The following ALMS1 variants were observed in gnomAD, a reference collection of about 807,000 sequenced individuals.
The protein encoded by ALMS1 is ALMS1 centrosome and basal body associated protein.
ALMS1 carries 271 observed loss-of-function variants against 352.2 expected under a neutral mutation model. The ratio of observed to expected loss-of-function variants is 0.77; its 90% CI spans 0.70 to 0.85. ALMS1 has a LOEUF of 0.85. Ranked by LOEUF, ALMS1 falls within the 40% of genes least tolerant of loss-of-function variation. The pLI is 0.00. For synonymous variants in ALMS1, 1,865 were observed against 1,761.2 expected (o/e 1.06, Z -1.48); for missense variants, 5,445 against 4,870.7 (o/e 1.12, Z -3.51).
chr2:73,456,742 CAA>C (rs1187922813), intron 9 of ALMS1: 1 of 152,030 alleles, frequency 6.6e-6, no homozygotes, highest in East Asian at 1.9e-4. Flanking sequence ...ACAAAATTGA[CAA>C]AATAATAAGA....
intron 21 of ALMS1, among the ~76,000 whole-genome samples, chr2:73,607,898 G>A (rs866473319): frequency 1.3e-5 from 2 of 149,436 alleles, no homozygotes; most frequent in East Asian, 2.0e-4. Context: ...TCCTGACCTC[G>A]TGATCCACCC....
chr2:73,578,808 G>A (rs1675108551), intron 16 of ALMS1, among the ~76,000 whole-genome samples: 1 of 151,906 alleles, frequency 6.6e-6, no homozygotes, highest in Admixed American at 6.6e-5. Context: ...ATCAGATAAG[G>A]GAAAAGGGAA....
chr2:73,596,891 T>C (rs1002054251), intron 16 of ALMS1, among the ~76,000 whole-genome samples: 6 of 148,538 alleles, frequency 4.0e-5, no homozygotes, highest in Non-Finnish European at 8.9e-5. Flanking sequence ...TTTTTTTTTT[T>C]CAGTAACTTT....
Position 73,454,036 on chromosome 2 carries a change from A to T in ALMS1, c.7509A>T (p.Ala2503=). The change falls in exon 8 of 23, where the codon GCA becomes GCT. Residue 2503 remains alanine (A), a synonymous_variant. Coordinates refer to ENST00000613296, the MANE Select transcript of ALMS1 (RefSeq NM_001378454.1). Reference sequence around the variant, plus strand: ...ATGCTAAAGAAATACTCAGAAATGCAGAGGAAGAGGAAAGCCGGGTACGAG... The same window carrying T: ...ATGCTAAAGAAATACTCAGAAATGCTGAGGAAGAGGAAAGCCGGGTACGAG... ...LNHAKEILRN[A]EEEESRVRAH... 6.2e-7 allele frequency: 1 copy of T among 1,612,832 alleles called. No individual in the cohort carries two copies. Among genetic ancestry groups the T allele is most frequent in the South Asian group, 1.1e-5 (1 of 90,884 alleles).
intron 15 of ALMS1, among the ~76,000 whole-genome samples, chr2:73,564,508 T>C (rs955610625): frequency 1.3e-5 from 2 of 151,410 alleles, no homozygotes; most frequent in Admixed American, 1.3e-4. Context: ...AATTCAATGA[T>C]TTTTACTGTA....
intron 6 of ALMS1, among the ~76,000 whole-genome samples, chr2:73,429,789 C>A (rs1671464094): frequency 6.6e-6 from 1 of 152,132 alleles, no homozygotes; most frequent in African/African-American, 2.4e-5. Context: ...TGAACATTGT[C>A]ATCACCCCAA....
Position 73,426,303 on chromosome 2 carries a change from T to TACCATTGACCAGTGATGC in ALMS1, c.1238-148_1238-131dup, listed in dbSNP as rs1168774865. On this transcript the variant is annotated intron_variant, in intron 5 of 22. Coordinates refer to ENST00000613296, the MANE Select transcript of ALMS1 (RefSeq NM_001378454.1). ...GTGATGCAAAGTCACAAGGTGCTTG[T>TACCATTGACCAGTGATGC]ACCATTGACCAGTGATGCATCATTA... The TACCATTGACCAGTGATGC allele has an allele frequency of 5.3e-5, 43 of 806,658 alleles. No individual in the cohort carries two copies. In the East Asian group the frequency reaches 9.6e-4, roughly 18 times the overall value. The allele number at this position is 806,658 out of a possible 1,614,324, so 50.0% of individuals were successfully genotyped here.
chr2:73,452,534 A>G lies in ALMS1; in HGVS notation c.6007A>G (p.Ile2003Val), dbSNP rs7587103. ...KEKLKISTVH[I>V]PDDQKTEFPA... ...GAAACTCAAGATTTCAACTGTGCATATACCAGATGACCAGAAAACTGAGTT... is the reference window on the plus strand; with the variant it reads ...GAAACTCAAGATTTCAACTGTGCATGTACCAGATGACCAGAAAACTGAGTT... The change falls in exon 8 of 23, where the codon ATA (isoleucine) becomes GTA (valine). Residue 2003 changes from isoleucine to valine, a missense_variant. Physicochemically the swap from Ile to Val is conservative, Grantham distance 29. Transcript: ENST00000613296. The G allele has an allele frequency of 7.7e-4, 1,235 of 1,614,038 alleles. 5 individuals carry two copies. The African/African-American group carries it at 0.013, about 17-fold the overall frequency.
At position 73,572,780 on chromosome 2, in the gene ALMS1, A is replaced by G. The variant is rs1674966271; in HGVS notation, c.10903A>G (p.Ile3635Val). 2.5e-6 allele frequency: 4 copies of G among 1,614,150 alleles called. No homozygotes were observed. The highest frequency in any genetic ancestry group is 1.3e-5 in the African/African-American group (1 of 75,046). The change falls in exon 16 of 23, where the codon ATT becomes GTT. Residue 3635 changes from isoleucine to valine, a missense_variant. Coordinates refer to ENST00000613296, the MANE Select transcript of ALMS1 (RefSeq NM_001378454.1). ...GGACCGACTTGATCGTTTGGCTAAA[A>G]TTCTTCAGAATCCAATCACACATTC... Reference protein sequence around the residue: ...LVDRLDRLAKILQNPITHSLQ... With the variant: ...LVDRLDRLAKVLQNPITHSLQ...
intron 5 of ALMS1, 44 bp downstream of exon 5, chr2:73,424,946 TA>T: frequency 1.3e-6 from 2 of 1,501,438 alleles, no homozygotes; most frequent in South Asian, 2.5e-5. Context: ...ACACAATTGA[TA>T]AAAATAAAAT....
chr2:73,545,697 A>C (rs1395431070), intron 12 of ALMS1, among the ~76,000 whole-genome samples: 1 of 152,200 alleles, frequency 6.6e-6, no homozygotes, highest in African/African-American at 2.4e-5. Context: ...TAGCTGTGAT[A>C]AATAATTTTA....
At chr2:73,471,958 C>T (rs1672478320) in intron 9 of ALMS1, among the ~76,000 whole-genome samples, 1 of 151,900 alleles carries the variant, frequency 6.6e-6, no homozygotes, top group Non-Finnish European at 1.5e-5. Context: ...GTATAAACAT[C>T]TATAGATGAA....
At chr2:73,404,569 G>T (rs565342960) in intron 1 of ALMS1, among the ~76,000 whole-genome samples, 1 of 151,868 alleles carries the variant, frequency 6.6e-6, no homozygotes, top group Non-Finnish European at 1.5e-5. Context: ...CATTAATGTG[G>T]TGTATTACAT....
chr2:73,462,065 G>A (rs1174340813), intron 9 of ALMS1, among the ~76,000 whole-genome samples: 1 of 151,896 alleles, frequency 6.6e-6, no homozygotes, highest in East Asian at 1.9e-4. Context: ...CCCCAATCTA[G>A]CAAGGCAGGC....
chr2:73,582,199 C>T (rs1054829900), intron 16 of ALMS1, among the ~76,000 whole-genome samples: 7 of 151,998 alleles, frequency 4.6e-5, no homozygotes, highest in African/African-American at 1.7e-4. Context: ...TTTTTCCCAC[C>T]CAATCTGAAG....
intron 15 of ALMS1, among the ~76,000 whole-genome samples, chr2:73,564,555 A>G (rs935863017): frequency 5.9e-5 from 9 of 152,132 alleles, no homozygotes; most frequent in Non-Finnish European, 1.0e-4. Context: ...ACCATAATCA[A>G]TTTTAGAATA....
chr2:73,505,625 A>T (rs886688794), intron 10 of ALMS1, among the ~76,000 whole-genome samples: 1 of 151,940 alleles, frequency 6.6e-6, no homozygotes, highest in Non-Finnish European at 1.5e-5. Flanking sequence ...AAGTAAATTA[A>T]GTTTCCTTGA....
chr2:73,407,242 GCCATTAAT>G (rs1446018362), intron 1 of ALMS1, among the ~76,000 whole-genome samples: 1 of 152,006 alleles, frequency 6.6e-6, no homozygotes, highest in Non-Finnish European at 1.5e-5. Context: ...CTCATGATAA[GCCATTAAT>G]CCATTAATCC....
chr2:73,393,165 AT>A (rs1478027666), intron 1 of ALMS1, among the ~76,000 whole-genome samples: 12 of 142,108 alleles, frequency 8.4e-5, no homozygotes, highest in Admixed American at 6.8e-4. Flanking sequence ...GATTGTAAGA[AT>A]TCTTTATATA....
Sources: allele counts gnomAD v4.1 joint callset (sites outside exome capture counted in the v4.1 genomes callset), GRCh38; gene constraint gnomAD v4.1.1; transcripts MANE v1.5; gene names NCBI Gene and HGNC (gene_info 2026-07-23, HGNC 2026-07-21).